JAKMIP2: variants seen among roughly 807,000 people sequenced by gnomAD.
JAKMIP2 encodes the protein janus kinase and microtubule-interacting protein 2.
JAKMIP2 carries 25 observed loss-of-function variants against 115.0 expected under a neutral mutation model. That is an observed-to-expected ratio of 0.22 (90% confidence interval 0.16 to 0.30). The LOEUF (loss-of-function observed/expected upper bound fraction) is 0.30, where lower values mean the gene tolerates loss of function less well. Ranked by LOEUF, JAKMIP2 falls within the 10% of genes least tolerant of loss-of-function variation. The probability of loss-of-function intolerance (pLI) is 1.00; values close to 1 mark genes in which losing one functional copy is unlikely to be tolerated. For missense variants in JAKMIP2, 642 were observed against 957.6 expected (o/e 0.67, Z 4.35); for synonymous variants, 334 against 343.6 (o/e 0.97, Z 0.31).
chr5:147,705,848 G>A (rs1752541035), intron 1 of JAKMIP2, among the ~76,000 whole-genome samples: 1 of 152,166 alleles, frequency 6.6e-6, no homozygotes, highest in Non-Finnish European at 1.5e-5. Context: ...GATGAATAAT[G>A]TGTTTTAAAT....
At chr5:147,724,156 G>T (rs1256609109) in intron 1 of JAKMIP2, among the ~76,000 whole-genome samples, 2 of 152,088 alleles carry the variant, frequency 1.3e-5, no homozygotes, top group Non-Finnish European at 2.9e-5. Flanking sequence ...TTTACTATTT[G>T]TCAAGCACTG....
intron 1 of JAKMIP2, among the ~76,000 whole-genome samples, chr5:147,755,860 C>T (rs1412716512): frequency 6.6e-6 from 1 of 152,076 alleles, no homozygotes; most frequent in African/African-American, 2.4e-5. Context: ...TAATGAATGA[C>T]TAGGGGTTTC....
chr5:147,675,326 A>T (rs1014647433), intron 1 of JAKMIP2, among the ~76,000 whole-genome samples: 1 of 152,154 alleles, frequency 6.6e-6, no homozygotes, highest in Non-Finnish European at 1.5e-5. Context: ...TGGGTGCCTT[A>T]AGGTGAGCAA....
At chr5:147,605,724 G>C in intron 20 of JAKMIP2, among the ~76,000 whole-genome samples, 1 of 152,086 alleles carries the variant, frequency 6.6e-6, no homozygotes, top group Non-Finnish European at 1.5e-5. Context: ...GGGTCAAATG[G>C]TATTTCTAGT....
intron 3 of JAKMIP2, among the ~76,000 whole-genome samples, chr5:147,656,656 C>A (rs1449533931): frequency 1.3e-5 from 2 of 152,150 alleles, no homozygotes; most frequent in African/African-American, 4.8e-5. Flanking sequence ...TAGTCTGTGT[C>A]TTTTAACTGG....
At chr5:147,682,246 A>G (rs1341991066) in intron 1 of JAKMIP2, among the ~76,000 whole-genome samples, 1 of 152,188 alleles carries the variant, frequency 6.6e-6, no homozygotes, top group East Asian at 1.9e-4. Flanking sequence ...GTGAGTGAAT[A>G]GAAAAATGGC....
chr5:147,675,485 T>A (rs1290779292), intron 1 of JAKMIP2, among the ~76,000 whole-genome samples: 2 of 151,746 alleles, frequency 1.3e-5, no homozygotes, highest in East Asian at 1.9e-4. Context: ...TTTTTTTTTT[T>A]ATTTTCACAG....
At chr5:147,657,764 T>C (rs1276759795) in intron 3 of JAKMIP2, among the ~76,000 whole-genome samples, 2 of 151,932 alleles carry the variant, frequency 1.3e-5, no homozygotes, top group Non-Finnish European at 2.9e-5. Flanking sequence ...GTTTTCAAAT[T>C]CTGATCTCCT....
At chr5:147,631,648 G>A (rs1757355728) in intron 13 of JAKMIP2, 137 bp from the exon 14 acceptor site, 1 of 554,130 alleles carries the variant, frequency 1.8e-6, no homozygotes, top group South Asian at 2.8e-5. Context: ...ATCTCAAGAT[G>A]TTCATGATTA....
chr5:147,720,205 T>A (rs1253324141), intron 1 of JAKMIP2, among the ~76,000 whole-genome samples: 1 of 152,256 alleles, frequency 6.6e-6, no homozygotes, highest in Non-Finnish European at 1.5e-5. Flanking sequence ...GTAGGGTTTC[T>A]GCCGATAAAT....
chr5:147,730,264 G>A (rs1753677722), intron 1 of JAKMIP2, among the ~76,000 whole-genome samples: 1 of 152,076 alleles, frequency 6.6e-6, no homozygotes, highest in African/African-American at 2.4e-5. Context: ...TTCTTTGCCT[G>A]GCCAAACTTT....
At chr5:147,592,270 T>C (rs559187792) in intron 21 of JAKMIP2, among the ~76,000 whole-genome samples, 48 of 152,328 alleles carry the variant, frequency 3.2e-4, no homozygotes, top group Non-Finnish European at 5.7e-4. Flanking sequence ...AGCAGACCTG[T>C]CTATTCCCTT....
At chr5:147,630,717 C>A (rs574390053) in intron 14 of JAKMIP2, among the ~76,000 whole-genome samples, 1 of 152,170 alleles carries the variant, frequency 6.6e-6, no homozygotes, top group South Asian at 2.1e-4. Flanking sequence ...AAGGGCCATG[C>A]AGAAGGTAAG....
intron 1 of JAKMIP2, among the ~76,000 whole-genome samples, chr5:147,680,485 T>C (rs1333213413): frequency 7.0e-6 from 1 of 143,230 alleles, no homozygotes; most frequent in Non-Finnish European, 1.5e-5. Flanking sequence ...GCAACTGTTA[T>C]ATAAAATAGT....
chr5:147,617,258 G>C (rs1006851261), intron 19 of JAKMIP2, among the ~76,000 whole-genome samples: 1 of 152,182 alleles, frequency 6.6e-6, no homozygotes, highest in African/African-American at 2.4e-5. Context: ...AGCAGACCTA[G>C]GCTGTCATCC....
At chr5:147,739,587 A>G (rs1754064525) in intron 1 of JAKMIP2, among the ~76,000 whole-genome samples, 1 of 152,180 alleles carries the variant, frequency 6.6e-6, no homozygotes, top group African/African-American at 2.4e-5. Context: ...TAAAAGAGTC[A>G]GCTTTGAACT....
intron 1 of JAKMIP2, among the ~76,000 whole-genome samples, chr5:147,762,259 G>A (rs1184364934): frequency 2.6e-5 from 4 of 151,934 alleles, no homozygotes; most frequent in Admixed American, 6.6e-5. Context: ...ATTTTCTATA[G>A]CAATAAACAT....
intron 1 of JAKMIP2, among the ~76,000 whole-genome samples, chr5:147,702,614 AAGAAAGAAAG>A (rs2126889155): frequency 1.6e-5 from 1 of 63,040 alleles, no homozygotes; most frequent in South Asian, 4.9e-4. Context: ...GAAAGAAAGA[AAGAAAGAAAG>A]AAAGAAAGAA....
At chr5:147,628,425 C>T (rs1757207048) in intron 16 of JAKMIP2, among the ~76,000 whole-genome samples, 1 of 152,150 alleles carries the variant, frequency 6.6e-6, no homozygotes, top group African/African-American at 2.4e-5. Context: ...AGTTTATCAT[C>T]GCCCCGCAGA....
Sources: gnomAD v4.1 joint callset for allele counts (sites outside exome capture counted in the v4.1 genomes callset) on GRCh38, gnomAD v4.1.1 for gene constraint, MANE v1.5 for transcripts, NCBI Gene and HGNC (gene_info 2026-07-23, HGNC 2026-07-21) for gene names.